ENTPD1: variants seen among roughly 807,000 people sequenced by gnomAD.
ENTPD1 encodes the protein ATP diphosphohydrolase.
In ENTPD1, 33 loss-of-function variants were observed where a neutral mutation model predicts 57.0. The observed-to-expected ratio is 0.58, with a 90% CI of 0.44 to 0.77. The LOEUF is 0.77. Among genes scored for constraint, ENTPD1 ranks in the 30% least tolerant of loss-of-function variants. The probability of loss-of-function intolerance (pLI) is 0.00; values close to 1 mark genes in which losing one functional copy is unlikely to be tolerated. For synonymous variants in ENTPD1, 202 were observed against 218.8 expected, an observed-to-expected ratio of 0.92 and a Z score of 0.68; for missense variants, 501 against 603.4, an observed-to-expected ratio of 0.83 and a Z score of 1.78.
At chr10:95,831,490 C>T (rs888447015) in intron 2 of ENTPD1, among the ~76,000 whole-genome samples, 1 of 152,236 alleles carries the variant, frequency 6.6e-6, no homozygotes, top group African/African-American at 2.4e-5. Flanking sequence ...AAAGTACATG[C>T]AAATATGAGT....
At chr10:95,759,658 A>G (rs1195034070) in intron 1 of ENTPD1, among the ~76,000 whole-genome samples, 1 of 152,178 alleles carries the variant, frequency 6.6e-6, no homozygotes, top group African/African-American at 2.4e-5. Context: ...TTGTGTGTCT[A>G]CCATTTGTAA....
At chr10:95,820,678 A>G (rs2098346947) in intron 1 of ENTPD1, among the ~76,000 whole-genome samples, 1 of 152,172 alleles carries the variant, frequency 6.6e-6, no homozygotes, top group Non-Finnish European at 1.5e-5. Flanking sequence ...CTTGACCCTC[A>G]ATCTGATACC....
chr10:95,709,789 G>A (rs796750053), upstream of ENTPD1, among the ~76,000 whole-genome samples: 68 of 149,666 alleles, frequency 4.5e-4, no homozygotes, highest in African/African-American at 1.6e-3. Context: ...TTTTTGAGAC[G>A]GAGTCTCCCT....
intron 1 of ENTPD1, among the ~76,000 whole-genome samples, chr10:95,717,103 A>G (rs1316439997): frequency 6.6e-6 from 1 of 152,214 alleles, no homozygotes; most frequent in African/African-American, 2.4e-5. Flanking sequence ...GTTGATGTGC[A>G]TTCTTCTTGC....
intron 1 of ENTPD1, among the ~76,000 whole-genome samples, chr10:95,733,330 C>CT (rs2139855282): frequency 6.6e-6 from 1 of 152,280 alleles, no homozygotes; most frequent in Non-Finnish European, 1.5e-5. Flanking sequence ...TTATCCTGTT[C>CT]TTTTTTCAAG....
Position 95,867,980 on chromosome 10 carries a change from T to A in ENTPD1, c.*1597T>A. On this transcript the variant is annotated 3_prime_UTR_variant, in exon 10 of 10. Coordinates refer to ENST00000371205, the MANE Select transcript of ENTPD1 (RefSeq NM_001776.6). ...TCTTGATTAGGAATCAAAATTCGAA[T>A]TGGGACATGTTCAAATTCTTTCTTG... 5.1e-6 allele frequency: 5 copies of A among 985,488 alleles called. No homozygotes were observed. The Middle Eastern group carries it at 1.6e-3, about 309-fold the overall frequency. The allele number at this position is 985,488 out of a possible 1,614,324, so 61.0% of individuals were successfully genotyped here.
chr10:95,706,145 A>G, the ENTPD1 span, among the ~76,000 whole-genome samples: 3 of 152,338 alleles, frequency 2.0e-5, no homozygotes, highest in Admixed American at 2.0e-4. Flanking sequence ...AGCAAGATAC[A>G]CAAAAGAACA....
intron 8 of ENTPD1, 26 bp downstream of exon 8, chr10:95,860,608 A>T: frequency 6.3e-7 from 1 of 1,589,266 alleles, no homozygotes; most frequent in Non-Finnish European, 8.6e-7. Context: ...CAGCAGCTCT[A>T]ACAGCATGAG....
At chr10:95,857,587 C>T (rs2098457335) in intron 7 of ENTPD1, among the ~76,000 whole-genome samples, 1 of 152,186 alleles carries the variant, frequency 6.6e-6, no homozygotes, top group African/African-American at 2.4e-5. Context: ...TTGTAATAAA[C>T]AGGAAGAACT....
chr10:95,859,288 A>C (rs1207498325), intron 7 of ENTPD1, among the ~76,000 whole-genome samples: 2 of 152,196 alleles, frequency 1.3e-5, no homozygotes, highest in Non-Finnish European at 2.9e-5. Flanking sequence ...GTGAGCCCCC[A>C]ATGGGATCTC....
chr10:95,860,636 G>A, intron 8 of ENTPD1, 54 bp downstream of exon 8: 1 of 1,470,592 alleles, frequency 6.8e-7, no homozygotes, highest in Non-Finnish European at 9.5e-7. Flanking sequence ...TGTCGTTGCT[G>A]ATGCAGAGGA....
intron 1 of ENTPD1, among the ~76,000 whole-genome samples, chr10:95,747,293 A>C (rs970117857): frequency 8.5e-5 from 13 of 152,250 alleles, no homozygotes; most frequent in Admixed American, 7.2e-4. Flanking sequence ...CGTTATGAAG[A>C]ACCTCTTCGT....
intron 1 of ENTPD1, among the ~76,000 whole-genome samples, chr10:95,808,870 G>A (rs950394413): frequency 6.6e-6 from 1 of 152,168 alleles, no homozygotes; most frequent in Admixed American, 6.5e-5. Context: ...GGACCCTGCA[G>A]CCTTCCGCAG....
chr10:95,726,917 A>G (rs1328506223), intron 1 of ENTPD1, among the ~76,000 whole-genome samples: 1 of 152,152 alleles, frequency 6.6e-6, no homozygotes, highest in Non-Finnish European at 1.5e-5. Context: ...CTCCCAGAGA[A>G]GTGGCACCAC....
At chr10:95,789,701 A>G (rs2098195280) in intron 1 of ENTPD1, among the ~76,000 whole-genome samples, 1 of 152,236 alleles carries the variant, frequency 6.6e-6, no homozygotes, top group Non-Finnish European at 1.5e-5. Context: ...ATCTATTATA[A>G]AAAGTTAACA....
the ENTPD1 span, among the ~76,000 whole-genome samples, chr10:95,694,352 T>C: frequency 6.6e-6 from 1 of 151,814 alleles, no homozygotes; most frequent in Admixed American, 6.6e-5. Context: ...AGAATAATGT[T>C]CTCAGGTGGG....
At chr10:95,819,320 C>T (rs990388511) in intron 1 of ENTPD1, among the ~76,000 whole-genome samples, 83 of 152,030 alleles carry the variant, frequency 5.5e-4, no homozygotes, top group African/African-American at 1.9e-3. Context: ...TATGCCACCA[C>T]GCCTGGCTAA....
chr10:95,825,739 G>A (rs940273127), intron 2 of ENTPD1, among the ~76,000 whole-genome samples: 31 of 152,176 alleles, frequency 2.0e-4, no homozygotes, highest in African/African-American at 6.3e-4. Flanking sequence ...CATCACGCCC[G>A]GCTAATTTTT....
chr10:95,734,796 C>T (rs2097992817), intron 1 of ENTPD1, among the ~76,000 whole-genome samples: 1 of 152,168 alleles, frequency 6.6e-6, no homozygotes, highest in African/African-American at 2.4e-5. Context: ...ACAGACACAA[C>T]ATTGTTTGGT....
Sources: allele counts gnomAD v4.1 joint callset (sites outside exome capture counted in the v4.1 genomes callset), GRCh38; gene constraint gnomAD v4.1.1; transcripts MANE v1.5; gene names NCBI Gene and HGNC (gene_info 2026-07-23, HGNC 2026-07-21).